Variants in CACNA2D3 observed in about 807,000 individuals in gnomAD.
CACNA2D3 encodes voltage-dependent calcium channel subunit alpha-2/delta-3.
Under a neutral mutation model 160.6 loss-of-function variants are expected in CACNA2D3, and 60 were observed. That is an observed-to-expected ratio of 0.37 (90% confidence interval 0.30 to 0.46). CACNA2D3 has a LOEUF of 0.46. CACNA2D3 is among the 20% of genes least tolerant of loss of function. The pLI is 1.00. For missense variants in CACNA2D3, 1,205 were observed against 1,365.0 expected (o/e 0.88, Z 1.85); for synonymous variants, 558 against 492.9 (o/e 1.13, Z -1.75).
intron 2 of CACNA2D3, among the ~76,000 whole-genome samples, chr3:54,261,417 C>T (rs1186773983): frequency 6.6e-6 from 1 of 152,126 alleles, no homozygotes; most frequent in East Asian, 1.9e-4. Flanking sequence ...TCTACCAGAC[C>T]CTTAGTCTTG....
At chr3:54,916,201 TGGTACAC>T (rs1700655562) in intron 27 of CACNA2D3, among the ~76,000 whole-genome samples, 2 of 152,240 alleles carry the variant, frequency 1.3e-5, no homozygotes, top group South Asian at 4.1e-4. Context: ...GCACTGTGTC[TGGTACAC>T]GGTACACGGT....
At chr3:54,659,714 A>G (rs1320777718) in intron 11 of CACNA2D3, among the ~76,000 whole-genome samples, 2 of 152,190 alleles carry the variant, frequency 1.3e-5, no homozygotes, top group South Asian at 2.1e-4. Context: ...CAGGTGGTAG[A>G]ATTTCCTTGC....
At chr3:54,888,902 C>T (rs996967647) in intron 24 of CACNA2D3, among the ~76,000 whole-genome samples, 2 of 152,130 alleles carry the variant, frequency 1.3e-5, no homozygotes, top group Non-Finnish European at 2.9e-5. Flanking sequence ...ACAGATAGAG[C>T]CCTTAACATC....
chr3:54,962,767 T>C (rs567449069), intron 27 of CACNA2D3, among the ~76,000 whole-genome samples: 9 of 152,226 alleles, frequency 5.9e-5, no homozygotes, highest in African/African-American at 9.6e-5. Context: ...TGTGAATATA[T>C]TGTATGACTG....
At chr3:54,859,379 T>C (rs1699236245) in intron 17 of CACNA2D3, among the ~76,000 whole-genome samples, 1 of 152,230 alleles carries the variant, frequency 6.6e-6, no homozygotes, top group Non-Finnish European at 1.5e-5. Flanking sequence ...GGCACATCTA[T>C]TTCCAAACAC....
At chr3:54,313,824 C>A (rs1049282817) in intron 2 of CACNA2D3, among the ~76,000 whole-genome samples, 2 of 150,906 alleles carry the variant, frequency 1.3e-5, no homozygotes, top group African/African-American at 4.9e-5. Context: ...CAGACTTTCC[C>A]TGATGCTGCA....
chr3:54,483,741 T>C (rs1253733184), intron 4 of CACNA2D3, among the ~76,000 whole-genome samples: 5 of 152,210 alleles, frequency 3.3e-5, no homozygotes, highest in Non-Finnish European at 7.3e-5. Context: ...AGGAATGTCA[T>C]TGTGTTGTAA....
chr3:54,230,893 A>T (rs570090348), intron 2 of CACNA2D3, among the ~76,000 whole-genome samples: 1 of 152,380 alleles, frequency 6.6e-6, no homozygotes, highest in East Asian at 1.9e-4. Flanking sequence ...GATTAATTAA[A>T]TGATCAAAAA....
At chr3:54,175,257 C>G (rs534138796) in intron 2 of CACNA2D3, among the ~76,000 whole-genome samples, 1 of 152,114 alleles carries the variant, frequency 6.6e-6, no homozygotes, top group Non-Finnish European at 1.5e-5. Context: ...AGCAAATGGA[C>G]TTGTAGGGGC....
At chr3:54,295,802 G>A (rs982241298) in intron 2 of CACNA2D3, among the ~76,000 whole-genome samples, 8 of 152,180 alleles carry the variant, frequency 5.3e-5, no homozygotes, top group Admixed American at 3.9e-4. Context: ...TGAGGGATCC[G>A]TAGCTTTCTA....
At chr3:54,747,783 T>C (rs2107058808) in intron 11 of CACNA2D3, among the ~76,000 whole-genome samples, 1 of 152,306 alleles carries the variant, frequency 6.6e-6, no homozygotes, top group South Asian at 2.1e-4. Context: ...ATATGGCTTG[T>C]TCCTTCTCCC....
intron 2 of CACNA2D3, among the ~76,000 whole-genome samples, chr3:54,224,362 ATT>A (rs1414496287): frequency 6.6e-6 from 1 of 152,168 alleles, no homozygotes; most frequent in Non-Finnish European, 1.5e-5. Flanking sequence ...CACTAACATC[ATT>A]GTTTATTACC....
intron 4 of CACNA2D3, among the ~76,000 whole-genome samples, chr3:54,474,204 A>C (rs1700787504): frequency 6.6e-6 from 1 of 152,196 alleles, no homozygotes; most frequent in East Asian, 1.9e-4. Context: ...TACACCATGG[A>C]ATACTATGCA....
rs548583137 is a variant in CACNA2D3 at position 54,768,357 on chromosome 3, C to G, written c.1380+4006C>G. On this transcript the variant is annotated intron_variant, in intron 13 of 37. Coordinates refer to ENST00000474759, the MANE Select transcript of CACNA2D3 (RefSeq NM_018398.3). ...ATTGTTTTGACCAGGGACACATAACCTGATGCTCACGGCAGATATAAGTTC... is the reference window on the plus strand; with the variant it reads ...ATTGTTTTGACCAGGGACACATAACGTGATGCTCACGGCAGATATAAGTTC... 2.4e-4 allele frequency among the ~76,000 whole-genome samples: 36 copies of G among 152,278 alleles called. No homozygotes were observed. In the Middle Eastern group the frequency reaches 0.01, roughly 43 times the overall value.
At chr3:54,912,067 C>G (rs1559626202) in intron 27 of CACNA2D3, among the ~76,000 whole-genome samples, 1 of 152,176 alleles carries the variant, frequency 6.6e-6, no homozygotes, top group Non-Finnish European at 1.5e-5. Flanking sequence ...TTCACCGTCA[C>G]TCATGAGATC....
At chr3:54,171,670 G>C (rs1186414835) in intron 2 of CACNA2D3, among the ~76,000 whole-genome samples, 3 of 152,226 alleles carry the variant, frequency 2.0e-5, no homozygotes, top group African/African-American at 7.2e-5. Flanking sequence ...GTGAGGAGCA[G>C]AGTTCTGACT....
In CACNA2D3 at chr3:54,631,203, AACACACACACACAC is replaced by A. The variant is rs67944483; in HGVS notation, c.1053+3347_1053+3360del. On this transcript the variant is annotated intron_variant, in intron 10 of 37. Coordinates refer to ENST00000474759, the MANE Select transcript of CACNA2D3 (RefSeq NM_018398.3). ...TGGGTGACAGAGCGAGACTCCATCA[AACACACACACACAC>A]ACACACACACACACACACAAAGATA... Among the ~76,000 whole-genome samples the A allele has an allele frequency of 6.2e-5, 9 of 145,774 alleles. 1 individual carries two copies. In the South Asian group the frequency reaches 6.6e-4, roughly 11 times the overall value.
At chr3:54,957,877 T>G (rs111366240) in intron 27 of CACNA2D3, among the ~76,000 whole-genome samples, 4 of 152,202 alleles carry the variant, frequency 2.6e-5, no homozygotes, top group Non-Finnish European at 5.9e-5. Flanking sequence ...ACAAATCTAT[T>G]TGTGTCTCAC....
chr3:54,547,032 A>G (rs950865807), intron 5 of CACNA2D3, among the ~76,000 whole-genome samples: 1 of 152,232 alleles, frequency 6.6e-6, no homozygotes, highest in Non-Finnish European at 1.5e-5. Flanking sequence ...AGCAGTTAGT[A>G]TATAGGAGCT....
Sources: gnomAD v4.1 joint callset for allele counts (sites outside exome capture counted in the v4.1 genomes callset) on GRCh38, gnomAD v4.1.1 for gene constraint, MANE v1.5 for transcripts, NCBI Gene and HGNC (gene_info 2026-07-23, HGNC 2026-07-21) for gene names.